CACNA1E: variants seen among roughly 807,000 people sequenced by gnomAD.
The protein encoded by CACNA1E is voltage-dependent R-type calcium channel subunit alpha-1E.
Under a neutral mutation model 259.2 loss-of-function variants are expected in CACNA1E, and 40 were observed. The observed-to-expected ratio is 0.15, with a 90% CI of 0.12 to 0.20. The LOEUF (loss-of-function observed/expected upper bound fraction) is 0.20, where lower values mean the gene tolerates loss of function less well. Ranked by LOEUF, CACNA1E falls within the 10% of genes least tolerant of loss-of-function variation. The pLI is 1.00. For synonymous variants in CACNA1E, 1,104 were observed against 1,138.5 expected, an observed-to-expected ratio of 0.97 and a Z score of 0.61; for missense variants, 1,874 against 3,040.1, an observed-to-expected ratio of 0.62 and a Z score of 9.02.
intron 21 of CACNA1E, among the ~76,000 whole-genome samples, chr1:181,734,847 C>G (rs1655885584): frequency 6.7e-6 from 1 of 150,240 alleles, no homozygotes; most frequent in Non-Finnish European, 1.5e-5. Context: ...ACACCCCATC[C>G]CTGCGCTGAC....
At chr1:181,499,459 G>A (rs1313514726) in intron 1 of CACNA1E, among the ~76,000 whole-genome samples, 1 of 152,160 alleles carries the variant, frequency 6.6e-6, no homozygotes, top group African/African-American at 2.4e-5. Flanking sequence ...TCTAGCCCTG[G>A]TTCTAGAAAA....
intron 2 of CACNA1E, among the ~76,000 whole-genome samples, chr1:181,428,415 A>AG (rs1285965312): frequency 1.3e-5 from 2 of 152,198 alleles, no homozygotes; most frequent in African/African-American, 4.8e-5. Flanking sequence ...TGGCTCAGCT[A>AG]GGGGCATCCG....
At chr1:181,782,744 G>C (rs1363647644) in intron 39 of CACNA1E, among the ~76,000 whole-genome samples, 1 of 152,136 alleles carries the variant, frequency 6.6e-6, no homozygotes, top group East Asian at 1.9e-4. Context: ...ATTCCCCCCA[G>C]TACATGGCTC....
At chr1:181,649,758 G>A (rs549923844) in intron 6 of CACNA1E, among the ~76,000 whole-genome samples, 41 of 152,230 alleles carry the variant, frequency 2.7e-4, no homozygotes, top group Admixed American at 3.9e-4. Flanking sequence ...AGGAACAGAC[G>A]ACCAAATACT....
intron 7 of CACNA1E, among the ~76,000 whole-genome samples, chr1:181,674,778 T>C (rs1649203170): frequency 6.6e-6 from 1 of 152,204 alleles, no homozygotes; most frequent in African/African-American, 2.4e-5. Context: ...AGCAGAGGTC[T>C]GCAGAGTGCC....
intron 1 of CACNA1E, among the ~76,000 whole-genome samples, chr1:181,403,227 A>T (rs1258243815): frequency 6.6e-6 from 1 of 151,830 alleles, no homozygotes. Context: ...ATTTTTTTCG[A>T]GAATTAAGTA....
chr1:181,536,619 A>G (rs563439936), intron 3 of CACNA1E, among the ~76,000 whole-genome samples: 4 of 152,044 alleles, frequency 2.6e-5, no homozygotes, highest in Middle Eastern at 3.4e-3. Context: ...GTGATTCTTG[A>G]TTGTAATATT....
chr1:181,760,952 C>T (rs1320758119), intron 32 of CACNA1E, among the ~76,000 whole-genome samples: 1 of 152,168 alleles, frequency 6.6e-6, no homozygotes, highest in Non-Finnish European at 1.5e-5. Flanking sequence ...AGAATTAAAA[C>T]CAAGAATTAG....
intron 1 of CACNA1E, among the ~76,000 whole-genome samples, chr1:181,322,285 A>T (rs1650418016): frequency 6.6e-6 from 1 of 152,136 alleles, no homozygotes; most frequent in Non-Finnish European, 1.5e-5. Flanking sequence ...TTATCTGAGC[A>T]GTGGGGGAAG....
Position 181,400,388 on chromosome 1 carries a change from C to T in CACNA1E, c.-14-12745C>T, listed in dbSNP as rs113200537. The stretch of plus-strand genomic sequence containing the variant: ...CTTTCCTGAAGTTTATGTGGCCTGA[C>T]GTTGGGGTGGGGCATCTGGGCTGCA... On this transcript the variant is annotated intron_variant, in intron 1 of 11. Coordinates refer to the CACNA1E transcript ENST00000524607. Among the ~76,000 whole-genome samples, 1,202 of 152,190 alleles carry T rather than the reference C, an allele frequency of 7.9e-3. 16 individuals are homozygous for T. Among genetic ancestry groups the T allele is most frequent in the African/African-American group, 0.027 (1,119 of 41,506 alleles).
At chr1:181,329,782 G>A (rs1242441844) in intron 1 of CACNA1E, among the ~76,000 whole-genome samples, 3 of 152,106 alleles carry the variant, frequency 2.0e-5, no homozygotes, top group Non-Finnish European at 2.9e-5. Flanking sequence ...GTTCATGTAT[G>A]TATACTTAGT....
chr1:181,427,844 A>G (rs1659415408), intron 2 of CACNA1E, among the ~76,000 whole-genome samples: 1 of 148,412 alleles, frequency 6.7e-6, no homozygotes, highest in Non-Finnish European at 1.5e-5. Context: ...TATTACACAT[A>G]TAGGTCTTTG....
intron 3 of CACNA1E, among the ~76,000 whole-genome samples, chr1:181,550,654 T>G (rs905877591): frequency 6.6e-6 from 1 of 151,938 alleles, no homozygotes; most frequent in Admixed American, 6.6e-5. Flanking sequence ...GAGGGAGGAA[T>G]TCACTGCTGG....
intron 3 of CACNA1E, among the ~76,000 whole-genome samples, chr1:181,524,852 GC>G (rs1485677971): frequency 6.6e-6 from 1 of 152,270 alleles, no homozygotes; most frequent in Non-Finnish European, 1.5e-5. Context: ...CAACAACCTT[GC>G]CCTGTGGGAA....
At chr1:181,414,013 A>G (rs1265845228) in intron 2 of CACNA1E, among the ~76,000 whole-genome samples, 1 of 152,208 alleles carries the variant, frequency 6.6e-6, no homozygotes, top group Non-Finnish European at 1.5e-5. Context: ...GAATGATTAC[A>G]TTTTGGGCAC....
At chr1:181,492,781 G>T (rs1664426212) in intron 1 of CACNA1E, among the ~76,000 whole-genome samples, 1 of 152,080 alleles carries the variant, frequency 6.6e-6, no homozygotes, top group African/African-American at 2.4e-5. Flanking sequence ...CAACTTTTAT[G>T]CCTTGGGCTT....
chr1:181,755,004 A>G (rs1485164171), intron 27 of CACNA1E, among the ~76,000 whole-genome samples: 3 of 152,186 alleles, frequency 2.0e-5, no homozygotes, highest in African/African-American at 7.2e-5. Flanking sequence ...TTGGGTCTAC[A>G]TTCAGTTTCA....
intron 13 of CACNA1E, 112 bp from the exon 14 acceptor site, chr1:181,720,094 C>A: frequency 1.5e-6 from 2 of 1,293,642 alleles, no homozygotes; most frequent in Non-Finnish European, 1.1e-6. Flanking sequence ...TTACTTCCTA[C>A]AAATATACAA....
At chr1:181,555,470 C>T (rs1335435702) in intron 3 of CACNA1E, among the ~76,000 whole-genome samples, 2 of 152,162 alleles carry the variant, frequency 1.3e-5, no homozygotes, top group Middle Eastern at 3.2e-3. Flanking sequence ...TTTTTCTTTC[C>T]ACCCTCCCCC....
Sources: allele counts gnomAD v4.1 joint callset (sites outside exome capture counted in the v4.1 genomes callset), GRCh38; gene constraint gnomAD v4.1.1; transcripts MANE v1.5; gene names NCBI Gene and HGNC (gene_info 2026-07-23, HGNC 2026-07-21).